Variants in WDR43 observed in about 807,000 individuals in gnomAD.
The protein encoded by WDR43 is WD repeat-containing protein 43.
Under a neutral mutation model 91.4 loss-of-function variants are expected in WDR43, and 13 were observed. The observed-to-expected ratio is 0.14, with a 90% CI of 0.09 to 0.23. The LOEUF is 0.23. Among genes scored for constraint, WDR43 ranks in the 10% least tolerant of loss-of-function variants. The pLI, the probability that WDR43 is intolerant of heterozygous loss-of-function variation, is 1.00. For missense variants in WDR43, 780 were observed against 809.4 expected (o/e 0.96, Z 0.44); for synonymous variants, 331 against 287.9 (o/e 1.15, Z -1.51).
rs1234583533 is a variant in WDR43, at chr2:28,922,959, A to T, written c.890A>T (p.His297Leu). 1.2e-6 allele frequency: 2 copies of T among 1,611,032 alleles called. No individual in the cohort carries two copies. The highest frequency in any genetic ancestry group is 1.7e-6 in the Non-Finnish European group (2 of 1,179,288). The change falls in exon 7 of 18, where the codon CAT (histidine) becomes CTT (leucine). Residue 297 changes from histidine to leucine, a missense_variant. Around this residue, in one of 4 missense-constraint regions of WDR43, gnomAD observed 426 missense variants for 467.8 expected, o/e 0.91. Coordinates refer to ENST00000407426, the MANE Select transcript of WDR43 (RefSeq NM_015131.3). Reference protein sequence around the residue: ...LAVVCRDGQVHLFEHILNGYC... With the variant: ...LAVVCRDGQVLLFEHILNGYC... Reference sequence around the variant, plus strand: ...GTTGTTTGCAGAGATGGTCAAGTCCATCTTTTTGAACACATATTAAATGGG... The same window carrying T: ...GTTGTTTGCAGAGATGGTCAAGTCCTTCTTTTTGAACACATATTAAATGGG...
At chr2:28,921,380 C>A (rs1242311328) in intron 6 of WDR43, among the ~76,000 whole-genome samples, 1 of 152,120 alleles carries the variant, frequency 6.6e-6, no homozygotes, top group African/African-American at 2.4e-5. Context: ...CCTGCCTCGG[C>A]CTCCCAAAGT....
rs1054118003 is a variant in WDR43, at chr2:28,946,839, G to C, written c.*60G>C. 2 of 1,472,452 alleles carry C rather than the reference G, an allele frequency of 1.4e-6. No individual in the cohort carries two copies. The highest frequency in any genetic ancestry group is 2.8e-5 in the African/African-American group (2 of 70,492). 91.2% of individuals were successfully genotyped at this position (1,472,452 alleles called of 1,614,324 possible). A position where few individuals can be genotyped will look rare whatever the true frequency, so the allele number is the denominator to read the frequency against. The stretch of plus-strand genomic sequence containing the variant: ...TCTGGCTCACCTTGCCCAGTGGTGA[G>C]GGCTGCCTCTGTGCCAGGATGCCAA... On this transcript the variant is annotated 3_prime_UTR_variant, in exon 18 of 18. Coordinates refer to ENST00000407426, the MANE Select transcript of WDR43 (RefSeq NM_015131.3).
chr2:28,946,385 TA>T, intron 16 of WDR43, 64 bp from the exon 17 acceptor site: 1 of 1,475,876 alleles, frequency 6.8e-7, no homozygotes, highest in East Asian at 2.4e-5. Flanking sequence ...TGGTTCTGCT[TA>T]ATTTCCAGGC....
Position 28,909,353 on chromosome 2 carries a change from G to A in WDR43, c.485+2772G>A, listed in dbSNP as rs149589355. 7.4e-3 allele frequency among the ~76,000 whole-genome samples: 1,123 copies of A among 152,094 alleles called. 13 individuals are homozygous for A. The highest frequency in any genetic ancestry group is 0.026 in the African/African-American group (1,072 of 41,496). ...TCAGCATGTTGGTCAGGCTGGTCTC[G>A]AACTCCTGACCTCAGGTGATCCACC... On this transcript the variant is annotated intron_variant, in intron 3 of 17. Coordinates refer to ENST00000407426, the MANE Select transcript of WDR43 (RefSeq NM_015131.3).
At chr2:28,899,095 C>T (rs962191504) in intron 1 of WDR43, among the ~76,000 whole-genome samples, 2 of 152,216 alleles carry the variant, frequency 1.3e-5, no homozygotes, top group African/African-American at 2.4e-5. Context: ...GGAAAAGACT[C>T]CTTAGTCCGA....
intron 3 of WDR43, among the ~76,000 whole-genome samples, chr2:28,908,731 C>T (rs1670732394): frequency 1.3e-5 from 2 of 152,124 alleles, no homozygotes; most frequent in African/African-American, 2.4e-5. Context: ...CTTACGCTGC[C>T]GTTACTTGGA....
chr2:28,942,750 G>C (rs1188366654), intron 16 of WDR43, among the ~76,000 whole-genome samples: 1 of 151,718 alleles, frequency 6.6e-6, no homozygotes, highest in Admixed American at 6.6e-5. Flanking sequence ...TGAGTAGCTG[G>C]GACTACAGGC....
intron 6 of WDR43, 113 bp downstream of exon 6, chr2:28,918,108 C>T: frequency 1.2e-6 from 1 of 864,572 alleles, no homozygotes; most frequent in Middle Eastern, 3.6e-4. Flanking sequence ...GAGGGAGTAA[C>T]AACAAACTGT....
At chr2:28,906,642 G>A (rs1670687712) in intron 3 of WDR43, 61 bp downstream of exon 3, 1 of 1,555,210 alleles carries the variant, frequency 6.4e-7, no homozygotes, top group Admixed American at 1.9e-5. Flanking sequence ...GGACTTGTGG[G>A]GAATGCAGAC....
intron 4 of WDR43, 104 bp downstream of exon 4, chr2:28,912,814 A>G: frequency 7.0e-7 from 1 of 1,429,706 alleles, no homozygotes; most frequent in Non-Finnish European, 9.3e-7. Context: ...CAAATTCTTC[A>G]TTGTCAGGTA....
At chr2:28,938,054 A>G (rs1671366435) in intron 14 of WDR43, 60 bp downstream of exon 14, 3 of 1,566,378 alleles carry the variant, frequency 1.9e-6, no homozygotes, top group Admixed American at 3.4e-5. Context: ...AAGGATTGTA[A>G]ACTTTGACAA....
intron 10 of WDR43, among the ~76,000 whole-genome samples, chr2:28,928,555 A>G (rs1263292772): frequency 6.6e-6 from 1 of 152,238 alleles, no homozygotes; most frequent in African/African-American, 2.4e-5. Context: ...AACCAAGCAC[A>G]TCTGTTTGCT....
intron 1 of WDR43, 167 bp downstream of exon 1, chr2:28,895,090 G>GCGGC (rs1423200280): frequency 3.3e-6 from 2 of 606,430 alleles, no homozygotes; most frequent in East Asian, 7.7e-5. Flanking sequence ...AGCCCCGCGT[G>GCGGC]CGGCCTGCCG....
At chr2:28,927,467 T>C in intron 9 of WDR43, 102 bp from the exon 10 acceptor site, 1 of 1,350,424 alleles carries the variant, frequency 7.4e-7, no homozygotes, top group Non-Finnish European at 1.0e-6. Context: ...ATATTGCATT[T>C]TTCCAATAGA....
chr2:28,906,175 T>TTTTTTTTTTTA (rs1345266204), intron 2 of WDR43, among the ~76,000 whole-genome samples: 5 of 152,134 alleles, frequency 3.3e-5, no homozygotes, highest in Non-Finnish European at 5.9e-5. Flanking sequence ...AAAAGAAGAG[T>TTTTTTTTTTTA]TGACTCCTAC....
At chr2:28,911,340 C>CTGGA (rs1482509850) in intron 3 of WDR43, among the ~76,000 whole-genome samples, 2 of 150,926 alleles carry the variant, frequency 1.3e-5, no homozygotes, top group African/African-American at 4.9e-5. Flanking sequence ...GTTGCCCAGG[C>CTGGA]TGGAGTACAG....
chr2:28,920,672 AT>A (rs888820785), intron 6 of WDR43, among the ~76,000 whole-genome samples: 9 of 151,314 alleles, frequency 5.9e-5, no homozygotes, highest in African/African-American at 2.2e-4. Context: ...AGACTGAGGG[AT>A]TTTTTTTGTT....
chr2:28,945,884 A>G (rs747600726), intron 16 of WDR43, among the ~76,000 whole-genome samples: 1 of 152,204 alleles, frequency 6.6e-6, no homozygotes, highest in African/African-American at 2.4e-5. Context: ...TTTATAAGCC[A>G]GCTTTTCTGT....
At chr2:28,943,240 C>A (rs1671482276) in intron 16 of WDR43, among the ~76,000 whole-genome samples, 1 of 151,978 alleles carries the variant, frequency 6.6e-6, no homozygotes, top group African/African-American at 2.4e-5. Flanking sequence ...TACACTCAAG[C>A]GATCATCCTG....
Sources: allele counts gnomAD v4.1 joint callset (sites outside exome capture counted in the v4.1 genomes callset), GRCh38; gene constraint gnomAD v4.1.1; regional missense constraint gnomAD v4.1.1; transcripts MANE v1.5; gene names NCBI Gene and HGNC (gene_info 2026-07-23, HGNC 2026-07-21).